Variants in RAB3GAP1 observed in about 807,000 individuals in gnomAD.
RAB3GAP1 encodes the protein rab3 GTPase-activating protein catalytic subunit.
A neutral mutation model predicts 130.7 loss-of-function variants in RAB3GAP1; 86 were observed. The observed-to-expected ratio is 0.66, with a 90% CI of 0.55 to 0.79. The LOEUF is 0.79. Ranked by LOEUF, RAB3GAP1 falls within the 30% of genes least tolerant of loss-of-function variation. The pLI, the probability that RAB3GAP1 is intolerant of heterozygous loss-of-function variation, is 0.00. For missense variants in RAB3GAP1, 1,029 were observed against 1,169.4 expected (o/e 0.88, Z 1.75); for synonymous variants, 367 against 401.7 (o/e 0.91, Z 1.03).
At chr2:135,161,320 T>C (rs78184953) in intron 19 of RAB3GAP1, among the ~76,000 whole-genome samples, 1,990 of 152,266 alleles carry the variant, frequency 0.013, 42 homozygotes, top group African/African-American at 0.046. Context: ...TGTAGGAACA[T>C]TTTAATACAG....
At chr2:135,124,287 T>C in intron 9 of RAB3GAP1, 41 bp downstream of exon 9, 1 of 1,547,568 alleles carries the variant, frequency 6.5e-7, no homozygotes, top group South Asian at 1.1e-5. Flanking sequence ...GGGAATATTT[T>C]ACTTTGAATT....
intron 3 of RAB3GAP1, among the ~76,000 whole-genome samples, chr2:135,070,775 AGC>A (rs1689449681): frequency 6.6e-6 from 1 of 152,080 alleles, no homozygotes. Flanking sequence ...TACAAGCGTG[AGC>A]CACCACGCCC....
Position 135,169,677 on chromosome 2 carries a change from T to G in RAB3GAP1, c.*896T>G. On this transcript the variant is annotated 3_prime_UTR_variant, in exon 24 of 24. Coordinates refer to ENST00000264158, the MANE Select transcript of RAB3GAP1 (RefSeq NM_012233.3). ...TGCAGATAGTATAATTTGGTATATG[T>G]GCTAATGCATTGAGTAGAGGATTAT... The G allele has an allele frequency of 2.2e-6, 1 of 454,482 alleles. No individual in the cohort carries two copies. The highest frequency in any genetic ancestry group is 4.4e-6 in the Non-Finnish European group (1 of 226,062). The allele number at this position is 454,482 out of a possible 1,614,324, so 28.2% of individuals were successfully genotyped here.
chr2:135,111,653 G>A (rs185196331), intron 5 of RAB3GAP1, among the ~76,000 whole-genome samples: 4 of 152,270 alleles, frequency 2.6e-5, no homozygotes, highest in Admixed American at 2.6e-4. Flanking sequence ...TGCAGACTTA[G>A]TGGTATCAGT....
At chr2:135,118,019 A>T (rs1254893976) in intron 7 of RAB3GAP1, among the ~76,000 whole-genome samples, 2 of 151,972 alleles carry the variant, frequency 1.3e-5, no homozygotes, top group African/African-American at 4.8e-5. Context: ...CACACAGCTA[A>T]TCTTTGTATT....
intron 3 of RAB3GAP1, among the ~76,000 whole-genome samples, chr2:135,083,446 A>G (rs931851648): frequency 3.3e-5 from 5 of 152,054 alleles, no homozygotes; most frequent in African/African-American, 1.2e-4. Flanking sequence ...AAGACTCCTG[A>G]GAAACACTTG....
intron 6 of RAB3GAP1, 50 bp downstream of exon 6, chr2:135,113,320 A>G: frequency 6.3e-7 from 1 of 1,597,626 alleles, no homozygotes; most frequent in East Asian, 2.2e-5. Flanking sequence ...TTTTAACAAT[A>G]ATTTATGAAG....
intron 5 of RAB3GAP1, among the ~76,000 whole-genome samples, chr2:135,105,999 C>T (rs1690597547): frequency 6.6e-6 from 1 of 151,870 alleles, no homozygotes; most frequent in African/African-American, 2.4e-5. Flanking sequence ...CGCCCGGCAG[C>T]TGCCCCGTCT....
At chr2:135,102,524 TACTGAGAGTGGAACAATAC>T (rs1690475462) in intron 5 of RAB3GAP1, among the ~76,000 whole-genome samples, 1 of 152,222 alleles carries the variant, frequency 6.6e-6, no homozygotes, top group Non-Finnish European at 1.5e-5. Flanking sequence ...GGAGAGGCTC[TACTGAGAGTGGAACAATAC>T]ACTGAAAGCA....
intron 5 of RAB3GAP1, among the ~76,000 whole-genome samples, chr2:135,097,994 C>G (rs1022023973): frequency 6.6e-6 from 1 of 152,154 alleles, no homozygotes; most frequent in Non-Finnish European, 1.5e-5. Flanking sequence ...GCATTCCCAC[C>G]AACAATGTAT....
intron 5 of RAB3GAP1, among the ~76,000 whole-genome samples, chr2:135,107,858 C>T (rs907266475): frequency 1.3e-5 from 2 of 151,468 alleles, no homozygotes; most frequent in African/African-American, 2.4e-5. Context: ...GCCTGTAATC[C>T]CAGCTACTCA....
chr2:135,071,472 TAC>T (rs1689470018), intron 3 of RAB3GAP1, among the ~76,000 whole-genome samples: 1 of 151,630 alleles, frequency 6.6e-6, no homozygotes, highest in Non-Finnish European at 1.5e-5. Context: ...CTGTTGTGGG[TAC>T]GACTGGCTGG....
intron 3 of RAB3GAP1, among the ~76,000 whole-genome samples, chr2:135,068,693 C>T (rs998518824): frequency 6.6e-6 from 1 of 152,172 alleles, no homozygotes; most frequent in Non-Finnish European, 1.5e-5. Flanking sequence ...GCAGAGGTTG[C>T]AGTGAGCTGA....
At chr2:135,132,362 A>G (rs553833419) in intron 13 of RAB3GAP1, among the ~76,000 whole-genome samples, 3 of 152,288 alleles carry the variant, frequency 2.0e-5, no homozygotes, top group South Asian at 2.1e-4. Flanking sequence ...CAGAAACCAC[A>G]TGGAAAAGGT....
chr2:135,141,514 G>A (rs1409270456), intron 17 of RAB3GAP1, among the ~76,000 whole-genome samples: 3 of 152,018 alleles, frequency 2.0e-5, no homozygotes, highest in South Asian at 4.2e-4. Context: ...GTGAGCCACC[G>A]CGCCTGGCCT....
At chr2:135,098,412 T>C (rs994703893) in intron 5 of RAB3GAP1, among the ~76,000 whole-genome samples, 12 of 152,240 alleles carry the variant, frequency 7.9e-5, no homozygotes, top group South Asian at 6.2e-4. Flanking sequence ...ACAAAAGTTA[T>C]AAAATTGAAT....
chr2:135,176,137 C>T (rs1165601668), intron 24 of RAB3GAP1: 4 of 152,056 alleles, frequency 2.6e-5, no homozygotes, highest in Admixed American at 1.3e-4. Context: ...CATGAACAAC[C>T]AAGCAATTCT....
chr2:135,070,120 G>C (rs956140127), intron 3 of RAB3GAP1, among the ~76,000 whole-genome samples: 1 of 152,164 alleles, frequency 6.6e-6, no homozygotes, highest in Non-Finnish European at 1.5e-5. Context: ...TGTTATCTCT[G>C]TAAACCAATG....
intron 17 of RAB3GAP1, among the ~76,000 whole-genome samples, chr2:135,148,669 T>A (rs913513507): frequency 2.1e-5 from 2 of 95,662 alleles, no homozygotes; most frequent in Middle Eastern, 4.1e-3. Context: ...TTTTTGTATC[T>A]TTTTTTTTTT....
Sources: gnomAD v4.1 joint callset for allele counts (sites outside exome capture counted in the v4.1 genomes callset) on GRCh38, gnomAD v4.1.1 for gene constraint, MANE v1.5 for transcripts, NCBI Gene and HGNC (gene_info 2026-07-23, HGNC 2026-07-21) for gene names.